Variants in MED16 observed in about 807,000 individuals in gnomAD.
MED16 encodes mediator complex subunit 16, also known as mediator of RNA polymerase II transcription subunit 16.
MED16 carries 81 observed loss-of-function variants against 84.4 expected under a neutral mutation model. The ratio of observed to expected loss-of-function variants is 0.96; its 90% CI spans 0.80 to 1.15. MED16 has a LOEUF of 1.15. Among genes scored for constraint, MED16 ranks in the 50% most tolerant of loss-of-function variants. MED16 has a pLI of 0.00. For synonymous variants in MED16, 897 were observed against 552.2 expected (o/e 1.62, Z -8.76); for missense variants, 1,585 against 1,245.9 (o/e 1.27, Z -4.10).
In MED16 at chr19:875,372, T is replaced by C; in HGVS notation, c.1643A>G (p.His548Arg). ...PCTVTRVCDYHTKLFLIAISS... is the reference protein window; with the variant it reads ...PCTVTRVCDYRTKLFLIAISS... ...GATGGCGATGAGGAAGAGCTTGGTG[T>C]GGTAGTCGCACACGCGGGTCACCGT... is the stretch of plus-strand genomic sequence containing the variant. The change falls in exon 10 of 16, where the codon CAC becomes CGC. Residue 548 changes from histidine (H) to arginine (R), a missense_variant. Coordinates refer to ENST00000325464, the MANE Select transcript of MED16 (RefSeq NM_005481.3). 4 of 1,609,580 alleles carry C rather than the reference T, an allele frequency of 2.5e-6. No homozygotes were observed. The highest frequency in any genetic ancestry group is 1.7e-5 in the Admixed American group (1 of 59,976).
At position 881,575 on chromosome 19, in the gene MED16, C is replaced by G. The variant is rs2036423430; in HGVS notation, c.1125G>C (p.Gln375His). 2 of 1,612,272 alleles carry G rather than the reference C, an allele frequency of 1.2e-6. No individual in the cohort carries two copies. The highest frequency in any genetic ancestry group is 2.2e-5 in the East Asian group (1 of 44,878). Residue 375 changes from glutamine (Q) to histidine (H), a missense_variant, in exon 7 of 16, where the codon CAG becomes CAC. By Grantham distance (24) the Gln-to-His change is conservative. Coordinates refer to ENST00000325464, the MANE Select transcript of MED16 (RefSeq NM_005481.3). Reference sequence around the variant, plus strand: ...CCACCGTACCGAGGCCAGGGTAGAACTGTGTGTCGCTGGCCACCTTGAGGT... The same window carrying G: ...CCACCGTACCGAGGCCAGGGTAGAAGTGTGTGTCGCTGGCCACCTTGAGGT... ...NTDLKVASDT[Q>H]FYPGLGLALA... is the part of the protein sequence containing the mutation.
At chr19:872,173 G>A in intron 11 of MED16, 55 bp from the exon 12 acceptor site, 2 of 1,502,090 alleles carry the variant, frequency 1.3e-6, no homozygotes, top group Non-Finnish European at 1.8e-6. Flanking sequence ...ATGGCGATGG[G>A]ATGAAGTGTC....
intron 2 of MED16, 28 bp from the exon 3 acceptor site, chr19:890,272 G>A (rs1201632597): frequency 7.0e-7 from 1 of 1,438,342 alleles, no homozygotes. Context: ...GGTCAGCACG[G>A]CCTGGCACCA....
chr19:875,961 A>T (rs1468488881), intron 9 of MED16, among the ~76,000 whole-genome samples: 2 of 152,168 alleles, frequency 1.3e-5, no homozygotes, highest in Non-Finnish European at 2.9e-5. Context: ...AAATAGAAAC[A>T]ACTAAAAACA....
chr19:877,923 G>A (rs1438741463), intron 8 of MED16, among the ~76,000 whole-genome samples: 4 of 121,694 alleles, frequency 3.3e-5, no homozygotes, highest in Admixed American at 8.9e-5. Context: ...TGCCCCAGCA[G>A]CTCACCTTCC....
chr19:873,328 GGCGGGAC>G, intron 11 of MED16, 114 bp downstream of exon 11: 1 of 307,760 alleles, frequency 3.2e-6, no homozygotes, highest in South Asian at 5.7e-5. Context: ...TCCAAGTAGG[GGCGGGAC>G]TCCAACTAGG....
chr19:872,224 G>C (rs992337180), intron 11 of MED16, 106 bp from the exon 12 acceptor site: 2 of 919,656 alleles, frequency 2.2e-6, no homozygotes, highest in African/African-American at 1.7e-5. Flanking sequence ...AATGGGCAGG[G>C]TCTGGGACAT....
At chr19:880,242 G>A in intron 7 of MED16, 94 bp from the exon 8 acceptor site, 1 of 1,236,930 alleles carries the variant, frequency 8.1e-7, no homozygotes, top group Non-Finnish European at 1.1e-6. Flanking sequence ...GGAGAGCCGG[G>A]GCTGCCCATC....
At chr19:889,545 G>C (rs1311371200) in intron 4 of MED16, 93 bp downstream of exon 4, 3 of 1,467,638 alleles carry the variant, frequency 2.0e-6, no homozygotes, top group African/African-American at 2.8e-5. Flanking sequence ...AAAAACCAGG[G>C]GATGCTGGTG....
intron 1 of MED16, among the ~76,000 whole-genome samples, chr19:892,138 C>G: frequency 6.6e-6 from 1 of 152,074 alleles, no homozygotes; most frequent in East Asian, 1.9e-4. Flanking sequence ...TCCAGACGGG[C>G]TGTTTCGCTT....
chr19:874,825 G>A (rs2036189901), intron 10 of MED16, among the ~76,000 whole-genome samples: 1 of 151,852 alleles, frequency 6.6e-6, no homozygotes, highest in Non-Finnish European at 1.5e-5. Context: ...AGCTGGGACT[G>A]CGTCACCGTG....
chr19:889,839 C>T, intron 3 of MED16, 32 bp from the exon 4 acceptor site: 1 of 1,589,458 alleles, frequency 6.3e-7, no homozygotes. Flanking sequence ...TGCGAACCTT[C>T]CAGGGATGGG....
At chr19:883,684 A>AGTGGC (rs1228465071) in intron 6 of MED16, among the ~76,000 whole-genome samples, 1 of 152,090 alleles carries the variant, frequency 6.6e-6, no homozygotes, top group East Asian at 1.9e-4. Flanking sequence ...AGGACTGCCC[A>AGTGGC]GTGGCTTGGC....
intron 9 of MED16, among the ~76,000 whole-genome samples, chr19:876,648 G>A (rs1228626717): frequency 6.6e-6 from 1 of 152,088 alleles, no homozygotes; most frequent in Non-Finnish European, 1.5e-5. Flanking sequence ...ACCTGCCACA[G>A]GCTACCTGCC....
intron 5 of MED16, among the ~76,000 whole-genome samples, 189 bp downstream of exon 5, chr19:885,581 G>A (rs898199489): frequency 6.6e-6 from 1 of 152,168 alleles, no homozygotes; most frequent in Non-Finnish European, 1.5e-5. Context: ...CGAACCGAGG[G>A]ATTGGGCGCC....
At chr19:872,508 GCAGCCTAAAGCCCCA>G (rs1372639035) in intron 11 of MED16, among the ~76,000 whole-genome samples, 2 of 152,044 alleles carry the variant, frequency 1.3e-5, no homozygotes, top group African/African-American at 4.8e-5. Flanking sequence ...GTGGCCCCTG[GCAGCCTAAAGCCCCA>G]CAAAAAGAAG....
chr19:873,938 A>G (rs975901672), intron 10 of MED16, among the ~76,000 whole-genome samples: 1 of 152,090 alleles, frequency 6.6e-6, no homozygotes, highest in Non-Finnish European at 1.5e-5. Flanking sequence ...GCATGTCCAC[A>G]GCGTGCAGCT....
At chr19:876,748 T>C (rs1280327527) in intron 9 of MED16, among the ~76,000 whole-genome samples, 2 of 151,960 alleles carry the variant, frequency 1.3e-5, no homozygotes, top group Non-Finnish European at 2.9e-5. Context: ...CGTGGGGACC[T>C]CTACAACTGC....
intron 3 of MED16, 48 bp downstream of exon 3, chr19:890,089 T>C: frequency 7.1e-7 from 1 of 1,409,524 alleles, no homozygotes. Flanking sequence ...GCCCCCCTGC[T>C]CCGGGATCCG....
Sources: allele counts gnomAD v4.1 joint callset (sites outside exome capture counted in the v4.1 genomes callset), GRCh38; gene constraint gnomAD v4.1.1; transcripts MANE v1.5; gene names NCBI Gene and HGNC (gene_info 2026-07-23, HGNC 2026-07-21).